The following CMIP variants were observed in gnomAD, a reference collection of about 807,000 sequenced individuals.
CMIP encodes the protein C-Maf-inducing protein.
CMIP carries 13 observed loss-of-function variants against 97.3 expected under a neutral mutation model. The observed-to-expected ratio is 0.13, with a 90% CI of 0.09 to 0.21. The LOEUF is 0.21. CMIP is among the 10% of genes least tolerant of loss of function. CMIP has a pLI of 1.00. For synonymous variants in CMIP, 538 were observed against 436.3 expected, an observed-to-expected ratio of 1.23 and a Z score of -2.91; for missense variants, 847 against 1,024.9, an observed-to-expected ratio of 0.83 and a Z score of 2.37.
intron 1 of CMIP, among the ~76,000 whole-genome samples, chr16:81,565,401 C>T (rs2090961612): frequency 6.6e-6 from 1 of 152,186 alleles, no homozygotes; most frequent in African/African-American, 2.4e-5. Flanking sequence ...GCCTGCGGCA[C>T]CTTCATCCCT....
At chr16:81,458,907 A>C (rs1906725441) in intron 1 of CMIP, among the ~76,000 whole-genome samples, 1 of 152,204 alleles carries the variant, frequency 6.6e-6, no homozygotes, top group South Asian at 2.1e-4. Context: ...GAGTGTGGAC[A>C]CGTGGCATGT....
chr16:81,568,035 G>A (rs1175339536), intron 1 of CMIP, among the ~76,000 whole-genome samples: 1 of 85,842 alleles, frequency 1.2e-5, no homozygotes, highest in Non-Finnish European at 2.6e-5. Flanking sequence ...GTGTGTGTGT[G>A]TGTGTTTTTT....
chr16:81,695,664 C>G (rs1368187793), intron 13 of CMIP: 1 of 152,426 alleles, frequency 6.6e-6, no homozygotes, highest in Non-Finnish European at 1.5e-5. Context: ...CCTTCCCTCT[C>G]TCTCTGTGTA....
intron 9 of CMIP, among the ~76,000 whole-genome samples, chr16:81,673,053 G>T (rs915384863): frequency 6.6e-6 from 1 of 152,174 alleles, no homozygotes; most frequent in Non-Finnish European, 1.5e-5. Context: ...ACCGAGTGGT[G>T]GGGTAGCAAG....
chr16:81,664,456 C>A, intron 7 of CMIP, 107 bp downstream of exon 7: 1 of 1,036,832 alleles, frequency 9.6e-7, no homozygotes, highest in Non-Finnish European at 1.4e-6. Flanking sequence ...GTGGTTGGCC[C>A]AGCGTGACAG....
chr16:81,572,647 C>G (rs1001403039), intron 1 of CMIP, among the ~76,000 whole-genome samples: 1 of 152,152 alleles, frequency 6.6e-6, no homozygotes, highest in Non-Finnish European at 1.5e-5. Context: ...CGCACATGGT[C>G]GAGCGGGGGT....
intron 1 of CMIP, among the ~76,000 whole-genome samples, chr16:81,471,699 C>T (rs1444815137): frequency 1.3e-5 from 2 of 152,178 alleles, no homozygotes; most frequent in Non-Finnish European, 2.9e-5. Flanking sequence ...CTGTTTCATC[C>T]TACGCGTACA....
At chr16:81,533,358 C>T (rs2150826401) in intron 1 of CMIP, among the ~76,000 whole-genome samples, 1 of 152,350 alleles carries the variant, frequency 6.6e-6, no homozygotes, top group Non-Finnish European at 1.5e-5. Context: ...TTGCAGCACT[C>T]ACTTTGTCCA....
chr16:81,674,188 C>G (rs2092708128), intron 9 of CMIP, among the ~76,000 whole-genome samples: 1 of 152,096 alleles, frequency 6.6e-6, no homozygotes, highest in Admixed American at 6.5e-5. Context: ...CTCCAGGGGC[C>G]AGAATGTGGA....
At chr16:81,488,121 A>T (rs1447483833) in intron 1 of CMIP, among the ~76,000 whole-genome samples, 2 of 78,338 alleles carry the variant, frequency 2.6e-5, no homozygotes, top group African/African-American at 1.0e-4. Context: ...CTTTTATTTT[A>T]TTGGCTGCAT....
Position 81,652,388 on chromosome 16 carries a change from T to G in CMIP, c.639+24T>G. On this transcript the variant is annotated intron_variant, in intron 4 of 20. Transcript: ENST00000537098. This position sits in a 1 kb window ranked among gnomAD's most constrained non-coding sequence, Gnocchi z 5.2. The stretch of plus-strand genomic sequence containing the variant: ...AGGTAAAACCCCTCCCCTGGACCCC[T>G]TTACATTGTTTGCCTTTCCCTCCAC... The G allele has an allele frequency of 6.3e-7, 1 of 1,593,278 alleles. No homozygotes were observed. Among genetic ancestry groups the G allele is most frequent in the Non-Finnish European group, 8.6e-7 (1 of 1,168,718 alleles).
intron 2 of CMIP, among the ~76,000 whole-genome samples, chr16:81,609,262 A>G (rs112049333): frequency 0.017 from 2,350 of 141,332 alleles, 65 homozygotes; most frequent in African/African-American, 0.059. Context: ...GGTCAGTGTC[A>G]CCCTCCTGCC....
intron 1 of CMIP, among the ~76,000 whole-genome samples, chr16:81,566,042 CT>C (rs1425167318): frequency 6.6e-6 from 1 of 152,198 alleles, no homozygotes; most frequent in East Asian, 1.9e-4. Context: ...TTCTTTGAGG[CT>C]GAAATTGGGC....
intron 1 of CMIP, among the ~76,000 whole-genome samples, chr16:81,456,497 A>G (rs550368110): frequency 9.8e-5 from 15 of 152,328 alleles, no homozygotes; most frequent in African/African-American, 3.4e-4. Context: ...CAGTAAGGAT[A>G]GTGAGCACTT....
intron 1 of CMIP, among the ~76,000 whole-genome samples, chr16:81,550,089 C>T (rs948015770): frequency 3.3e-5 from 5 of 152,226 alleles, no homozygotes; most frequent in African/African-American, 1.2e-4. Flanking sequence ...CACCCCACCC[C>T]TATGGCTGTA....
intron 1 of CMIP, among the ~76,000 whole-genome samples, chr16:81,582,697 G>C (rs1011862390): frequency 6.6e-6 from 1 of 152,106 alleles, no homozygotes; most frequent in Non-Finnish European, 1.5e-5. Context: ...GCAGGGCCTC[G>C]CTCCCATGCA....
At chr16:81,523,309 T>C (rs928040749) in intron 1 of CMIP, among the ~76,000 whole-genome samples, 1 of 152,244 alleles carries the variant, frequency 6.6e-6, no homozygotes, top group Non-Finnish European at 1.5e-5. Context: ...CGTTGATTCC[T>C]GAATATCTAG....
chr16:81,640,464 G>C (rs868024572), intron 3 of CMIP, among the ~76,000 whole-genome samples: 46 of 152,298 alleles, frequency 3.0e-4, no homozygotes, highest in African/African-American at 1.0e-3. Context: ...GCGTCCTGGG[G>C]TCAGTCCTTG....
intron 1 of CMIP, among the ~76,000 whole-genome samples, chr16:81,555,093 C>T (rs969832129): frequency 1.3e-5 from 2 of 152,202 alleles, no homozygotes; most frequent in Non-Finnish European, 2.9e-5. Flanking sequence ...CTTTCCCACA[C>T]ACGCAAGGCC....
Sources: allele counts gnomAD v4.1 joint callset (sites outside exome capture counted in the v4.1 genomes callset), GRCh38; gene constraint gnomAD v4.1.1; non-coding constraint Gnocchi (gnomAD v3.1); transcripts MANE v1.5; gene names NCBI Gene and HGNC (gene_info 2026-07-23, HGNC 2026-07-21).